TFAP2D: variants seen among roughly 807,000 people sequenced by gnomAD.
TFAP2D encodes the protein transcription factor AP-2-delta.
In TFAP2D, 9 loss-of-function variants were observed where a neutral mutation model predicts 43.6. The observed-to-expected ratio is 0.21, with a 90% CI of 0.12 to 0.36. The LOEUF is 0.36. Ranked by LOEUF, TFAP2D falls within the 10% of genes least tolerant of loss-of-function variation. The pLI, the probability that TFAP2D is intolerant of heterozygous loss-of-function variation, is 1.00. For missense variants in TFAP2D, 513 were observed against 561.4 expected, an observed-to-expected ratio of 0.91 and a Z score of 0.87; for synonymous variants, 256 against 224.9, an observed-to-expected ratio of 1.14 and a Z score of -1.24.
chr6:50,726,964 G>A (rs923535864), intron 3 of TFAP2D, among the ~76,000 whole-genome samples: 1 of 152,206 alleles, frequency 6.6e-6, no homozygotes, highest in Non-Finnish European at 1.5e-5. Flanking sequence ...CAAGTTTGAT[G>A]TCAAGAAATG....
At chr6:50,723,840 T>C (rs1768766705) in intron 3 of TFAP2D, among the ~76,000 whole-genome samples, 1 of 151,994 alleles carries the variant, frequency 6.6e-6, no homozygotes, top group South Asian at 2.1e-4. Flanking sequence ...ACCCCCGCCA[T>C]ACACACACCC....
At chr6:50,725,196 G>A (rs1028718483) in intron 3 of TFAP2D, among the ~76,000 whole-genome samples, 3 of 152,152 alleles carry the variant, frequency 2.0e-5, no homozygotes, top group African/African-American at 4.8e-5. Context: ...CTGCATCCAT[G>A]TATTTTGTGC....
chr6:50,732,759 G>A (rs1002667052), intron 5 of TFAP2D, among the ~76,000 whole-genome samples: 2 of 152,004 alleles, frequency 1.3e-5, no homozygotes, highest in African/African-American at 4.8e-5. Flanking sequence ...ATTAGCAAAT[G>A]AACATTTGTT....
chr6:50,722,286 G>T (rs933900639), intron 3 of TFAP2D, among the ~76,000 whole-genome samples: 19 of 152,112 alleles, frequency 1.2e-4, no homozygotes, highest in African/African-American at 4.6e-4. Flanking sequence ...CTGTGCTCGC[G>T]TATCGATAGC....
intron 3 of TFAP2D, among the ~76,000 whole-genome samples, chr6:50,725,396 C>T (rs1371623133): frequency 2.0e-5 from 3 of 152,126 alleles, no homozygotes; most frequent in Admixed American, 6.5e-5. Flanking sequence ...AGCCCTATCT[C>T]CAAATTCCAA....
At position 50,745,341 on chromosome 6, in the gene TFAP2D, G is replaced by A. The variant is rs141101810; in HGVS notation, c.1025+93G>A. On this transcript the variant is annotated intron_variant, in intron 6 of 7. Transcript: ENST00000008391. ...GAGGAAAACAGTCTAGAAGGCACCC[G>A]TTCTCTAAAACAAGGAAGGTCTCAC... The A allele has an allele frequency of 4.9e-5, 75 of 1,538,618 alleles. No homozygotes were observed. The Middle Eastern group carries it at 5.1e-4, about 11-fold the overall frequency.
intron 5 of TFAP2D, 148 bp downstream of exon 5, chr6:50,729,460 A>G (rs1259764418): frequency 6.5e-6 from 4 of 616,434 alleles, no homozygotes; most frequent in African/African-American, 5.5e-5. Context: ...TATCTTGACA[A>G]TGATGATTAA....
chr6:50,715,604 C>A lies in TFAP2D; in HGVS notation c.528C>A (p.Asp176Glu), dbSNP rs573515296. 7.0e-5 allele frequency: 112 copies of A among 1,593,890 alleles called. 1 individual carries two copies. The South Asian group carries it at 1.1e-3, about 15-fold the overall frequency. ...TGGGGCTGGCCGCCGCGGGAGCAGA[C>A]GACTTGCAGGTAAATAAGCATGCAG... ...PSLGLAAAGA[D>E]DLQGSVEAQC... Residue 176 changes from aspartate to glutamate, a missense_variant, in exon 2 of 8, where the codon GAC becomes GAA. By Grantham distance (45) the Asp-to-Glu change is conservative (BLOSUM62 2). Around this residue, in one of 3 missense-constraint regions of TFAP2D, gnomAD observed 311 missense variants for 316.2 expected, o/e 0.98. Coordinates refer to ENST00000008391, the MANE Select transcript of TFAP2D (RefSeq NM_172238.4).
At chr6:50,746,566 A>G (rs778377046) in intron 6 of TFAP2D, among the ~76,000 whole-genome samples, 3 of 152,170 alleles carry the variant, frequency 2.0e-5, no homozygotes, top group Admixed American at 6.5e-5. Context: ...GAGAAAATCT[A>G]GGGCAGAGAG....
chr6:50,742,620 AGATAGATAGAT>A (rs1561936918), intron 5 of TFAP2D, among the ~76,000 whole-genome samples: 1 of 140,562 alleles, frequency 7.1e-6, no homozygotes, highest in East Asian at 2.1e-4. Context: ...ATAGATAGAT[AGATAGATAGAT>A]GATAGATAGA....
intron 5 of TFAP2D, among the ~76,000 whole-genome samples, chr6:50,743,751 C>A (rs1769086396): frequency 6.6e-6 from 1 of 151,996 alleles, no homozygotes; most frequent in Non-Finnish European, 1.5e-5. Context: ...ATATTATCAG[C>A]TATTTCATTT....
intron 7 of TFAP2D, among the ~76,000 whole-genome samples, chr6:50,755,593 A>G (rs1034424548): frequency 6.6e-6 from 1 of 152,004 alleles, no homozygotes; most frequent in Non-Finnish European, 1.5e-5. Flanking sequence ...TTCCGTAACT[A>G]TAAGCTTTTT....
chr6:50,728,434 C>T (rs1047222854), intron 3 of TFAP2D, among the ~76,000 whole-genome samples: 3 of 152,206 alleles, frequency 2.0e-5, no homozygotes, highest in African/African-American at 7.2e-5. Flanking sequence ...GTGGATAAAA[C>T]ATTTCCATCC....
chr6:50,759,662 T>C (rs956964129), intron 7 of TFAP2D, among the ~76,000 whole-genome samples: 1 of 152,024 alleles, frequency 6.6e-6, no homozygotes, highest in African/African-American at 2.4e-5. Context: ...CATTCTCATA[T>C]GTAAAAATTA....
intron 7 of TFAP2D, among the ~76,000 whole-genome samples, chr6:50,754,324 C>T (rs1769236843): frequency 6.6e-6 from 1 of 151,418 alleles, no homozygotes; most frequent in South Asian, 2.1e-4. Flanking sequence ...TAAGGATGCA[C>T]AATATTTCTG....
chr6:50,772,072 A>T (rs549298031), intron 7 of TFAP2D, among the ~76,000 whole-genome samples: 1 of 152,204 alleles, frequency 6.6e-6, no homozygotes, highest in Non-Finnish European at 1.5e-5. Context: ...ATAAAAAATG[A>T]TGAGTTCATG....
At chr6:50,745,866 G>C (rs1197540029) in intron 6 of TFAP2D, among the ~76,000 whole-genome samples, 1 of 152,008 alleles carries the variant, frequency 6.6e-6, no homozygotes. Flanking sequence ...AAAATAATGA[G>C]GAAAACGATG....
At chr6:50,715,073 CCT>C (rs1768593990) in intron 1 of TFAP2D, 41 bp from the exon 2 acceptor site, 1 of 1,588,462 alleles carries the variant, frequency 6.3e-7, no homozygotes, top group Non-Finnish European at 8.6e-7. Context: ...AAATGACAAA[CCT>C]CAAGTTTTTC....
intron 5 of TFAP2D, among the ~76,000 whole-genome samples, chr6:50,732,298 G>T (rs1443821310): frequency 6.6e-6 from 1 of 151,868 alleles, no homozygotes; most frequent in Non-Finnish European, 1.5e-5. Context: ...TAACTTATAT[G>T]TGCATTTTAA....
Sources: allele counts gnomAD v4.1 joint callset (sites outside exome capture counted in the v4.1 genomes callset), GRCh38; gene constraint gnomAD v4.1.1; regional missense constraint gnomAD v4.1.1; transcripts MANE v1.5; gene names NCBI Gene and HGNC (gene_info 2026-07-23, HGNC 2026-07-21).